PLCH1: variants seen among roughly 807,000 people sequenced by gnomAD.
PLCH1 encodes the protein 1-phosphatidylinositol 4,5-bisphosphate phosphodiesterase eta-1.
Under a neutral mutation model 126.7 loss-of-function variants are expected in PLCH1, and 60 were observed. The ratio of observed to expected loss-of-function variants is 0.47; its 90% CI spans 0.38 to 0.59. The LOEUF is 0.59. Among genes scored for constraint, PLCH1 ranks in the 20% least tolerant of loss-of-function variants. The pLI is 0.00. For synonymous variants in PLCH1, 719 were observed against 734.9 expected, an observed-to-expected ratio of 0.98 and a Z score of 0.35; for missense variants, 1,723 against 2,040.0, an observed-to-expected ratio of 0.84 and a Z score of 2.99.
intron 2 of PLCH1, among the ~76,000 whole-genome samples, chr3:155,647,001 T>A (rs1451072256): frequency 6.6e-6 from 1 of 152,168 alleles, no homozygotes; most frequent in Non-Finnish European, 1.5e-5. Context: ...CCTTTGTGAC[T>A]CCTATCTAAC....
chr3:155,709,412 A>G (rs769785063), intron 1 of PLCH1, among the ~76,000 whole-genome samples: 1 of 152,248 alleles, frequency 6.6e-6, no homozygotes, highest in Non-Finnish European at 1.5e-5. Context: ...CCAGCAATAA[A>G]TGATAGTTCC....
chr3:155,552,013 A>G (rs1726213777), intron 9 of PLCH1, among the ~76,000 whole-genome samples: 1 of 152,196 alleles, frequency 6.6e-6, no homozygotes, highest in African/African-American at 2.4e-5. Flanking sequence ...CAGGGTTGTA[A>G]AGACCCATTA....
At chr3:155,590,621 G>A (rs1367001541) in intron 4 of PLCH1, among the ~76,000 whole-genome samples, 1 of 150,954 alleles carries the variant, frequency 6.6e-6, no homozygotes, top group Non-Finnish European at 1.5e-5. Flanking sequence ...GTGGTGGCGG[G>A]CACCTGTAGT....
In PLCH1 at chr3:155,549,922, A is replaced by G; in HGVS notation, c.1227T>C (p.Ser409=). 1 of 1,613,510 alleles carries G rather than the reference A, an allele frequency of 6.2e-7. No homozygotes were observed. ...GAGCAATCTTCCTTTGCTGCTGGAT[A>G]CTGCAGTGATTCTCGATAGACAATA... is the stretch of plus-strand genomic sequence containing the variant. The part of the protein sequence containing the change: ...PVILSIENHC[S]IQQQRKIAQY... The change falls in exon 10 of 23, where the codon AGT becomes AGC. Residue 409 remains serine, a synonymous_variant. Coordinates refer to ENST00000460012, the MANE Select transcript of PLCH1 (RefSeq NM_014996.4).
chr3:155,505,892 CTTT>C (rs761646376), intron 12 of PLCH1, among the ~76,000 whole-genome samples: 3 of 120,972 alleles, frequency 2.5e-5, no homozygotes, highest in Non-Finnish European at 3.7e-5. Flanking sequence ...TCTTGGTCCG[CTTT>C]TTTTTTTTTT....
At chr3:155,692,591 G>A (rs1180782045) in intron 2 of PLCH1, among the ~76,000 whole-genome samples, 2 of 151,856 alleles carry the variant, frequency 1.3e-5, no homozygotes, top group African/African-American at 4.8e-5. Context: ...TTGGTAGCTG[G>A]GCACTTACCA....
intron 7 of PLCH1, among the ~76,000 whole-genome samples, chr3:155,565,619 G>A (rs1336952945): frequency 6.6e-6 from 1 of 152,006 alleles, no homozygotes; most frequent in African/African-American, 2.4e-5. Flanking sequence ...TAGAATGTGA[G>A]CCAATTAAAA....
intron 11 of PLCH1, among the ~76,000 whole-genome samples, chr3:155,522,459 T>G (rs1007420623): frequency 6.6e-6 from 1 of 152,202 alleles, no homozygotes; most frequent in Non-Finnish European, 1.5e-5. Flanking sequence ...GATAGTAACT[T>G]TTCCTTTTCA....
At chr3:155,628,669 T>C (rs1232593079) in intron 2 of PLCH1, among the ~76,000 whole-genome samples, 4 of 152,102 alleles carry the variant, frequency 2.6e-5, no homozygotes, top group African/African-American at 9.7e-5. Context: ...TATTTTGTTA[T>C]AGGAGTCTCA....
intron 22 of PLCH1, chr3:155,483,323 T>C (rs1010462518): frequency 1.3e-6 from 2 of 1,487,214 alleles, no homozygotes; most frequent in Non-Finnish European, 1.8e-6. Flanking sequence ...GTCAATGAGT[T>C]ACCATACTTT....
intron 8 of PLCH1, among the ~76,000 whole-genome samples, chr3:155,558,997 A>T (rs1024112933): frequency 4.6e-5 from 7 of 152,000 alleles, no homozygotes; most frequent in African/African-American, 1.4e-4. Flanking sequence ...AAATGAAGCA[A>T]ATTCCTCCTT....
intron 7 of PLCH1, among the ~76,000 whole-genome samples, chr3:155,567,716 G>A (rs2108526702): frequency 6.6e-6 from 1 of 152,166 alleles, no homozygotes; most frequent in South Asian, 2.1e-4. Context: ...ATATAACTGT[G>A]GGCAAATTAT....
intron 1 of PLCH1, among the ~76,000 whole-genome samples, chr3:155,711,890 C>G (rs1465989052): frequency 6.6e-6 from 1 of 152,184 alleles, no homozygotes; most frequent in Non-Finnish European, 1.5e-5. Flanking sequence ...AGTTCCTGGC[C>G]ACCATCCTGT....
chr3:155,453,122 T>C (rs908309131), intron 21 of PLCH1, among the ~76,000 whole-genome samples: 4 of 152,110 alleles, frequency 2.6e-5, no homozygotes, highest in Non-Finnish European at 4.4e-5. Context: ...TTACATCAGG[T>C]GTATGGAATT....
chr3:155,678,822 C>T (rs1437300508), intron 2 of PLCH1, among the ~76,000 whole-genome samples: 1 of 152,132 alleles, frequency 6.6e-6, no homozygotes, highest in Admixed American at 6.5e-5. Context: ...ACCTTATAGA[C>T]CCTCATCAAC....
chr3:155,473,031 C>G, intron 21 of PLCH1, among the ~76,000 whole-genome samples: 1 of 137,814 alleles, frequency 7.3e-6, no homozygotes, highest in Admixed American at 7.5e-5. Flanking sequence ...GACAGGGATG[C>G]CCTCTCTCAC....
chr3:155,655,264 C>T (rs1481299140), intron 2 of PLCH1, among the ~76,000 whole-genome samples: 2 of 152,010 alleles, frequency 1.3e-5, no homozygotes, highest in African/African-American at 2.4e-5. Flanking sequence ...GGCAAAGCCC[C>T]GTCTCTACCA....
chr3:155,472,579 G>A (rs1397506060), intron 21 of PLCH1, among the ~76,000 whole-genome samples: 2 of 151,944 alleles, frequency 1.3e-5, no homozygotes, highest in African/African-American at 4.8e-5. Flanking sequence ...CTCATTTTAT[G>A]AGGCCAGCAT....
chr3:155,602,972 G>A (rs1284679599), intron 2 of PLCH1, among the ~76,000 whole-genome samples: 1 of 150,990 alleles, frequency 6.6e-6, no homozygotes, highest in Non-Finnish European at 1.5e-5. Context: ...ATGCACACTT[G>A]GTGCTCTGAT....
Sources: gnomAD v4.1 joint callset for allele counts (sites outside exome capture counted in the v4.1 genomes callset) on GRCh38, gnomAD v4.1.1 for gene constraint, MANE v1.5 for transcripts, NCBI Gene and HGNC (gene_info 2026-07-23, HGNC 2026-07-21) for gene names.